MACROD2: variants seen among roughly 807,000 people sequenced by gnomAD.
The protein encoded by MACROD2 is mono-ADP ribosylhydrolase 2.
MACROD2 carries 36 observed loss-of-function variants against 70.4 expected under a neutral mutation model. The ratio of observed to expected loss-of-function variants is 0.51; its 90% CI spans 0.39 to 0.68. The LOEUF (loss-of-function observed/expected upper bound fraction) is 0.68. MACROD2 is among the 30% of genes least tolerant of loss of function. MACROD2 has a pLI of 0.00. For synonymous variants in MACROD2, 172 were observed against 178.8 expected (o/e 0.96, Z 0.30); for missense variants, 496 against 538.4 (o/e 0.92, Z 0.78).
At chr20:14,332,084 A>G (rs1026938322) in intron 3 of MACROD2, among the ~76,000 whole-genome samples, 27 of 152,204 alleles carry the variant, frequency 1.8e-4, no homozygotes, top group Admixed American at 9.2e-4. Flanking sequence ...TTATTTAACT[A>G]TAAAACACTT....
chr20:15,652,468 G>A (rs1223741320), intron 8 of MACROD2, among the ~76,000 whole-genome samples: 1 of 152,070 alleles, frequency 6.6e-6, no homozygotes, highest in Non-Finnish European at 1.5e-5. Context: ...CAGTAATATA[G>A]AAAAGATCGA....
intron 8 of MACROD2, among the ~76,000 whole-genome samples, chr20:15,515,593 G>T (rs1046494454): frequency 2.6e-5 from 4 of 152,158 alleles, no homozygotes; most frequent in Admixed American, 6.5e-5. Flanking sequence ...TCCATGCATT[G>T]TTTTTGTTTT....
chr20:15,822,630 T>C (rs1313233621), intron 8 of MACROD2, among the ~76,000 whole-genome samples: 3 of 151,744 alleles, frequency 2.0e-5, no homozygotes, highest in African/African-American at 7.3e-5. Context: ...GATAACATTA[T>C]TGAAATAACT....
At chr20:15,228,091 A>T (rs976858001) in intron 5 of MACROD2, among the ~76,000 whole-genome samples, 1 of 152,086 alleles carries the variant, frequency 6.6e-6, no homozygotes, top group African/African-American at 2.4e-5. Context: ...TACAATATTC[A>T]TATAAATATT....
chr20:14,958,112 T>A (rs1346000782), intron 5 of MACROD2, among the ~76,000 whole-genome samples: 1 of 152,176 alleles, frequency 6.6e-6, no homozygotes, highest in Non-Finnish European at 1.5e-5. Context: ...CTTGTTGAAG[T>A]TGAAGTTGAA....
chr20:15,249,934 C>A (rs2077140239), intron 6 of MACROD2, among the ~76,000 whole-genome samples: 1 of 152,186 alleles, frequency 6.6e-6, no homozygotes, highest in African/African-American at 2.4e-5. Flanking sequence ...ATATGTATGA[C>A]TTTTAAAAAT....
chr20:15,099,327 C>T (rs1322032110), intron 5 of MACROD2, among the ~76,000 whole-genome samples: 1 of 152,036 alleles, frequency 6.6e-6, no homozygotes, highest in Non-Finnish European at 1.5e-5. Context: ...GGATGGGGCC[C>T]CATGATGGGA....
At position 15,007,140 on chromosome 20, in the gene MACROD2, G is replaced by A. The variant is rs560064773; in HGVS notation, c.419-222800G>A. On this transcript the variant is annotated intron_variant, in intron 5 of 17. Transcript: ENST00000684519. The stretch of plus-strand genomic sequence containing the variant: ...AGCACTTTGGGAGGCTGAGGCAGGC[G>A]GATCACAAGGTCAGGAGATCAAGAC... Among the ~76,000 whole-genome samples, 130 of 152,104 alleles carry A rather than the reference G, an allele frequency of 8.5e-4. 3 individuals are homozygous for A. The Middle Eastern group carries it at 0.01, about 12-fold the overall frequency.
chr20:14,432,516 G>A (rs13040558), intron 3 of MACROD2, among the ~76,000 whole-genome samples: 23,601 of 151,850 alleles, frequency 0.16, 2,597 homozygotes, highest in Non-Finnish European at 0.23. Flanking sequence ...AAGATAGTAC[G>A]TGAGGGCTAA....
chr20:15,609,731 G>A (rs1012156814), intron 8 of MACROD2, among the ~76,000 whole-genome samples: 1 of 152,190 alleles, frequency 6.6e-6, no homozygotes. Context: ...TAAACATATT[G>A]CTTTATAGAA....
chr20:15,492,042 G>A (rs1053276292), intron 7 of MACROD2, among the ~76,000 whole-genome samples: 1 of 152,198 alleles, frequency 6.6e-6, no homozygotes, highest in Non-Finnish European at 1.5e-5. Context: ...CCTGGGCGAA[G>A]CCAGTGACAC....
At chr20:14,833,666 A>G (rs1466396771) in intron 5 of MACROD2, among the ~76,000 whole-genome samples, 1 of 152,064 alleles carries the variant, frequency 6.6e-6, no homozygotes, top group Non-Finnish European at 1.5e-5. Context: ...ACTCTAATGT[A>G]GGTACTAGGA....
intron 3 of MACROD2, among the ~76,000 whole-genome samples, chr20:14,470,219 C>T (rs112488884): frequency 1.3e-5 from 2 of 152,060 alleles, no homozygotes; most frequent in African/African-American, 4.8e-5. Flanking sequence ...GCTGGAGGTC[C>T]ACTGCAGACC....
At chr20:16,042,493 C>A (rs762473676) in intron 16 of MACROD2, among the ~76,000 whole-genome samples, 7 of 151,998 alleles carry the variant, frequency 4.6e-5, no homozygotes, top group African/African-American at 7.2e-5. Context: ...GGATTGCAGG[C>A]CCTCAGAAGT....
chr20:14,511,316 G>A (rs1171394692), intron 4 of MACROD2, among the ~76,000 whole-genome samples: 1 of 151,968 alleles, frequency 6.6e-6, no homozygotes, highest in African/African-American at 2.4e-5. Context: ...TTGAGGGGAT[G>A]GACACCCCAT....
At chr20:15,619,812 G>C (rs1444943546) in intron 8 of MACROD2, 1 of 163,498 alleles carries the variant, frequency 6.1e-6, no homozygotes, top group Non-Finnish European at 1.3e-5. Context: ...CTCCTCCACG[G>C]TGTTCTCGTT....
chr20:15,147,892 A>G (rs979943239), intron 5 of MACROD2, among the ~76,000 whole-genome samples: 4 of 152,054 alleles, frequency 2.6e-5, no homozygotes, highest in African/African-American at 7.2e-5. Context: ...AGGGGTCACA[A>G]GGTGCTCAGT....
At chr20:15,416,401 A>T (rs1453070584) in intron 6 of MACROD2, among the ~76,000 whole-genome samples, 3 of 152,168 alleles carry the variant, frequency 2.0e-5, no homozygotes, top group Non-Finnish European at 4.4e-5. Context: ...ATTAGCCTTG[A>T]CTGATGTCTT....
rs866896323 is a variant in MACROD2, at chr20:15,234,019, T to G, written c.540+3958T>G. 3.1e-3 allele frequency among the ~76,000 whole-genome samples: 36 copies of G among 11,770 alleles called. 2 individuals carry two copies. Among genetic ancestry groups the G allele is most frequent in the Middle Eastern group, 0.036 (1 of 28 alleles). 7.7% of individuals were successfully genotyped at this position (11,770 alleles called of 152,430 possible). ...TATATATATATATATATTCTTTTTT[T>G]TTTTTTTTTTTTTTTTTTTTTTTTT... is the stretch of plus-strand genomic sequence containing the variant. On this transcript the variant is annotated intron_variant, in intron 6 of 17. Coordinates refer to ENST00000684519, the MANE Select transcript of MACROD2 (RefSeq NM_001351661.2).
Sources: allele counts gnomAD v4.1 joint callset (sites outside exome capture counted in the v4.1 genomes callset), GRCh38; gene constraint gnomAD v4.1.1; transcripts MANE v1.5; gene names NCBI Gene and HGNC (gene_info 2026-07-23, HGNC 2026-07-21).